Variants in SLC45A4 observed in about 807,000 individuals in gnomAD.
SLC45A4 encodes the protein solute carrier family 45 member 4.
Under a neutral mutation model 63.7 loss-of-function variants are expected in SLC45A4, and 32 were observed. The ratio of observed to expected loss-of-function variants is 0.50; its 90% CI spans 0.38 to 0.67. The LOEUF (loss-of-function observed/expected upper bound fraction) is 0.67, where lower values mean the gene tolerates loss of function less well. Ranked by LOEUF, SLC45A4 falls within the 30% of genes least tolerant of loss-of-function variation. The pLI is 0.00. For missense variants in SLC45A4, 1,027 were observed against 1,157.7 expected, an observed-to-expected ratio of 0.89 and a Z score of 1.64; for synonymous variants, 535 against 510.0, an observed-to-expected ratio of 1.05 and a Z score of -0.66.
Position 141,254,095 on chromosome 8 carries a change from G to T in SLC45A4, c.135C>A (p.Asp45Glu), listed in dbSNP as rs931692300. The T allele has an allele frequency of 6.5e-7, 1 of 1,536,062 alleles. No homozygotes were observed. Among genetic ancestry groups the T allele is most frequent in the African/African-American group, 1.4e-5 (1 of 73,058 alleles). Residue 45 changes from aspartate (D) to glutamate (E), a missense_variant, in exon 2 of 9, where the codon GAC becomes GAA. By Grantham distance (45) the Asp-to-Glu change is conservative. Coordinates refer to ENST00000517878, the MANE Select transcript of SLC45A4 (RefSeq NM_001286646.2). The surrounding 1 kb of genome is among the most constrained non-coding windows in gnomAD (Gnocchi z 4.5). Reference sequence around the variant, plus strand: ...TCACCCACAGGCGCATGGGGATTCGGTCTATGGACCCCTCGCTGATGGTCT... The same window carrying T: ...TCACCCACAGGCGCATGGGGATTCGTTCTATGGACCCCTCGCTGATGGTCT... ...NCETISEGSIDRIPMRLWVMH... is the reference protein window; with the variant it reads ...NCETISEGSIERIPMRLWVMH...
chr8:141,303,956 G>A (rs989254820), intron 1 of SLC45A4, among the ~76,000 whole-genome samples: 1 of 152,176 alleles, frequency 6.6e-6, no homozygotes, highest in Non-Finnish European at 1.5e-5. Flanking sequence ...ATCCCACTCT[G>A]GACTGGCTGG....
intron 1 of SLC45A4, among the ~76,000 whole-genome samples, chr8:141,287,473 G>A (rs1327613260): frequency 6.6e-6 from 1 of 152,186 alleles, no homozygotes; most frequent in Non-Finnish European, 1.5e-5. Context: ...AAAGTCCCTC[G>A]TTAACCCTTC....
At chr8:141,243,183 C>G (rs1828000843) in intron 2 of SLC45A4, among the ~76,000 whole-genome samples, 1 of 152,248 alleles carries the variant, frequency 6.6e-6, no homozygotes, top group African/African-American at 2.4e-5. Context: ...GACCCCATGT[C>G]TGCCTTCTGT....
rs1213648372 is a variant in SLC45A4 at position 141,281,908 on chromosome 8, G to A, written c.-401+26188C>T. Among the ~76,000 whole-genome samples, 4 of 152,130 alleles carry A rather than the reference G, an allele frequency of 2.6e-5. No individual in the cohort carries two copies. In the South Asian group the frequency reaches 6.2e-4, roughly 24 times the overall value. ...GAAAGCCAGTGAAAGCCTGGCCCCCGTCCGGAGCTGCACGGCACCTTTCCT... is the reference window on the plus strand; with the variant it reads ...GAAAGCCAGTGAAAGCCTGGCCCCCATCCGGAGCTGCACGGCACCTTTCCT... On this transcript the variant is annotated intron_variant, in intron 1 of 8. Transcript: ENST00000517878.
intron 1 of SLC45A4, among the ~76,000 whole-genome samples, chr8:141,289,042 T>C (rs1830256050): frequency 1.3e-5 from 2 of 152,026 alleles, no homozygotes; most frequent in Admixed American, 1.3e-4. Context: ...GAGGCAGAGA[T>C]GTGGTCCCAG....
chr8:141,235,540 G>A (rs556914116), intron 2 of SLC45A4, among the ~76,000 whole-genome samples: 2 of 152,310 alleles, frequency 1.3e-5, no homozygotes, highest in Admixed American at 1.3e-4. Flanking sequence ...TGAATTATCC[G>A]AAGAAAGCAC....
Position 141,254,888 on chromosome 8 carries a change from CAG to C in SLC45A4, c.-400-261_-400-260del. 5.1e-6 allele frequency: 2 copies of C among 391,052 alleles called. No individual in the cohort carries two copies. Among genetic ancestry groups the C allele is most frequent in the South Asian group, 4.0e-5 (2 of 49,746 alleles). The allele number at this position is 391,052 out of a possible 1,614,324, so 24.2% of individuals were successfully genotyped here. A position where few individuals can be genotyped will look rare whatever the true frequency, so the allele number is the denominator to read the frequency against. The stretch of plus-strand genomic sequence containing the variant: ...AAGGAAAGCAGGATCAAAGAACAGA[CAG>C]AGAAAAACGCTGGAAATATTCACTC... On this transcript the variant is annotated intron_variant, in intron 1 of 8. Coordinates refer to ENST00000517878, the MANE Select transcript of SLC45A4 (RefSeq NM_001286646.2). The surrounding 1 kb of genome is among the most constrained non-coding windows in gnomAD (Gnocchi z 4.5).
intron 8 of SLC45A4, 59 bp downstream of exon 8, chr8:141,212,138 G>A (rs1199864752): frequency 4.8e-5 from 32 of 666,140 alleles, no homozygotes; most frequent in East Asian, 8.6e-5. Flanking sequence ...TGGCCCCGCC[G>A]CCCGCCCGCC....
intron 1 of SLC45A4, among the ~76,000 whole-genome samples, chr8:141,263,414 T>C (rs942871159): frequency 2.6e-5 from 4 of 151,430 alleles, no homozygotes; most frequent in Admixed American, 2.0e-4. Flanking sequence ...AAAGTCAACA[T>C]AAACTGTGAA....
At position 141,218,757 on chromosome 8, in the gene SLC45A4, G is replaced by C; in HGVS notation, c.883C>G (p.Leu295Val). 6.2e-7 allele frequency: 1 copy of C among 1,613,268 alleles called. No individual in the cohort carries two copies. The highest frequency in any genetic ancestry group is 1.1e-5 in the South Asian group (1 of 91,082). The change falls in exon 5 of 9, where the codon CTG (leucine) becomes GTG (valine). Residue 295 changes from leucine to valine, a missense_variant. Physicochemically the swap from Leu to Val is conservative, Grantham distance 32 (BLOSUM62 1). Transcript: ENST00000517878. ...ATGATGTCCACGTCCGGGTAGTCCA[G>C]GGCCAGCTCGTGCTCCGACTGTACC... is the stretch of plus-strand genomic sequence containing the variant. ...DEVQSEHELA[L>V]DYPDVDIMRS...
chr8:141,293,836 G>A (rs1252489534), intron 1 of SLC45A4, among the ~76,000 whole-genome samples: 1 of 152,002 alleles, frequency 6.6e-6, no homozygotes, highest in Non-Finnish European at 1.5e-5. Flanking sequence ...GGGAGGCTGA[G>A]GCACAAGAAT....
Position 141,212,423 on chromosome 8 carries a change from A to G in SLC45A4, c.2075T>C (p.Val692Ala). The G allele has an allele frequency of 6.2e-7, 1 of 1,613,764 alleles. No homozygotes were observed. The highest frequency in any genetic ancestry group is 8.5e-7 in the Non-Finnish European group (1 of 1,180,026). ...AGAGGCCACCATGGGGATGACGCGG[A>G]CAGTCCCCACGGCGTCGACCACGCC... Reference protein sequence around the residue: ...LGGVVDAVGTVRVIPMVASVG... With the variant: ...LGGVVDAVGTARVIPMVASVG... The change falls in exon 8 of 9, where the codon GTC (valine) becomes GCC (alanine). Residue 692 changes from valine (V) to alanine (A), a missense_variant. Coordinates refer to ENST00000517878, the MANE Select transcript of SLC45A4 (RefSeq NM_001286646.2).
intron 1 of SLC45A4, among the ~76,000 whole-genome samples, chr8:141,271,116 G>A (rs949174767): frequency 1.3e-5 from 2 of 152,248 alleles, no homozygotes; most frequent in Non-Finnish European, 2.9e-5. Context: ...ACGCTTGCCC[G>A]CCTCCGGCGC....
At chr8:141,233,129 A>G (rs1445002831) in intron 2 of SLC45A4, among the ~76,000 whole-genome samples, 1 of 152,186 alleles carries the variant, frequency 6.6e-6, no homozygotes, top group East Asian at 1.9e-4. Flanking sequence ...CTTTTTTCAC[A>G]ATGGATGTGT....
intron 1 of SLC45A4, among the ~76,000 whole-genome samples, chr8:141,281,307 C>T (rs1290820249): frequency 1.3e-5 from 2 of 152,198 alleles, no homozygotes; most frequent in East Asian, 3.8e-4. Context: ...CCACCGTACT[C>T]CAGCCTGGGT....
intron 1 of SLC45A4, among the ~76,000 whole-genome samples, chr8:141,268,703 T>C (rs2154614884): frequency 6.6e-6 from 1 of 152,336 alleles, no homozygotes; most frequent in East Asian, 1.9e-4. Flanking sequence ...TTGTCCAGTG[T>C]TAGGAAGAAA....
At chr8:141,304,973 CA>C (rs1284092628) in intron 1 of SLC45A4, among the ~76,000 whole-genome samples, 1 of 152,186 alleles carries the variant, frequency 6.6e-6, no homozygotes, top group Non-Finnish European at 1.5e-5. Context: ...ACCCAAATGG[CA>C]AGGGGTTGAA....
In SLC45A4 at chr8:141,217,991, T is replaced by G; in HGVS notation, c.1629+20A>C. The G allele has an allele frequency of 8.0e-6, 2 of 250,468 alleles. No individual in the cohort carries two copies. The highest frequency in any genetic ancestry group is 6.5e-5 in the South Asian group (1 of 15,288). 15.5% of individuals were successfully genotyped at this position (250,468 alleles called of 1,614,324 possible). On this transcript the variant is annotated intron_variant, in intron 5 of 8. Transcript: ENST00000517878. ...AGGTGGGCAGAGAGAGCGGCCCCGC[T>G]CCGGTGGCCGAGCACTCACCTTGGG...
intron 1 of SLC45A4, among the ~76,000 whole-genome samples, chr8:141,307,872 G>A (rs1488424896): frequency 6.6e-6 from 1 of 150,788 alleles, no homozygotes; most frequent in Non-Finnish European, 1.5e-5. Flanking sequence ...AATCCGGAAA[G>A]AGGAGGCGGG....
Sources: gnomAD v4.1 joint callset for allele counts (sites outside exome capture counted in the v4.1 genomes callset) on GRCh38, gnomAD v4.1.1 for gene constraint, Gnocchi (gnomAD v3.1) non-coding constraint, MANE v1.5 for transcripts, NCBI Gene and HGNC (gene_info 2026-07-23, HGNC 2026-07-21) for gene names.